Variants in MACC1 observed in about 807,000 individuals in gnomAD.
The protein encoded by MACC1 is metastasis-associated in colon cancer protein 1.
In MACC1, 79 loss-of-function variants were observed where a neutral mutation model predicts 70.7. The observed-to-expected ratio is 1.12, with a 90% confidence interval of 0.93 to 1.35. MACC1 has a LOEUF of 1.35. MACC1 is among the 40% of genes most tolerant of loss of function. MACC1 has a pLI of 0.00. For missense variants in MACC1, 1,106 were observed against 978.1 expected, an observed-to-expected ratio of 1.13 and a Z score of -1.74; for synonymous variants, 361 against 347.2, an observed-to-expected ratio of 1.04 and a Z score of -0.44.
rs565611340 is a variant in MACC1, at chr7:20,135,919, G to A, written c.*5027C>T. The stretch of plus-strand genomic sequence containing the variant: ...AATGAGGATATTTGTAAGGTGCTTA[G>A]TGTGCTTATGTATGTGTGCTAAATG... On this transcript the variant is annotated 3_prime_UTR_variant, in exon 7 of 7. Transcript: ENST00000400331. 1 of 152,176 alleles carries A rather than the reference G, an allele frequency of 6.6e-6. No homozygotes were observed. The highest frequency in any genetic ancestry group is 1.5e-5 in the Non-Finnish European group (1 of 68,032). The allele number at this position is 152,176 out of a possible 1,614,324, so 9.4% of individuals were successfully genotyped here.
chr7:20,142,889 G>C (rs1241354414), intron 6 of MACC1, among the ~76,000 whole-genome samples: 2 of 152,140 alleles, frequency 1.3e-5, no homozygotes, highest in African/African-American at 2.4e-5. Flanking sequence ...ATAGCTAAAG[G>C]CTTCTAAGAC....
rs142635470 is a variant in MACC1 at position 20,196,069 on chromosome 7, T to C, written c.-218+21230A>G. On this transcript the variant is annotated intron_variant, in intron 1 of 6. Coordinates refer to ENST00000400331, the MANE Select transcript of MACC1 (RefSeq NM_182762.4). ...TTGGGAACTCAGTTTTCAAGACTTC[T>C]CTGGGGTCCCTTTGGCCAAATGAGG... 2.0e-5 allele frequency among the ~76,000 whole-genome samples: 3 copies of C among 152,328 alleles called. No homozygotes were observed. The East Asian group carries it at 5.8e-4, about 29-fold the overall frequency.
chr7:20,186,963 A>G (rs1782598402), intron 1 of MACC1, among the ~76,000 whole-genome samples: 1 of 152,206 alleles, frequency 6.6e-6, no homozygotes, highest in Non-Finnish European at 1.5e-5. Context: ...AATAATTACT[A>G]TCATGTTTTA....
At chr7:20,200,254 TAG>T (rs1562601003) in intron 1 of MACC1, among the ~76,000 whole-genome samples, 13 of 151,166 alleles carry the variant, frequency 8.6e-5, no homozygotes, top group Non-Finnish European at 1.5e-4. Flanking sequence ...AAAAGATTAG[TAG>T]ATTTAAAAGA....
At chr7:20,157,825 AG>A (rs1177091221) in intron 5 of MACC1, among the ~76,000 whole-genome samples, 2 of 151,678 alleles carry the variant, frequency 1.3e-5, no homozygotes, top group African/African-American at 4.8e-5. Context: ...ACTGAAAAGT[AG>A]ATCCCTAACA....
In MACC1 at chr7:20,135,041, T is replaced by C. The variant is rs992722868; in HGVS notation, c.*5905A>G. The C allele has an allele frequency of 6.6e-6, 1 of 152,234 alleles. No homozygotes were observed. The highest frequency in any genetic ancestry group is 1.5e-5 in the Non-Finnish European group (1 of 68,038). 9.4% of individuals were successfully genotyped at this position (152,234 alleles called of 1,614,324 possible). ...AAAGCAGGGCATATAGATAGCTGTA[T>C]TGATCACATTGATTAAAAACATTTT... On this transcript the variant is annotated 3_prime_UTR_variant, in exon 7 of 7. Coordinates refer to ENST00000400331, the MANE Select transcript of MACC1 (RefSeq NM_182762.4).
chr7:20,203,524 C>T (rs1324850838), intron 1 of MACC1, among the ~76,000 whole-genome samples: 1 of 152,162 alleles, frequency 6.6e-6, no homozygotes, highest in Non-Finnish European at 1.5e-5. Context: ...TCAGCTAAAG[C>T]CTCCCTGAGC....
intron 1 of MACC1, among the ~76,000 whole-genome samples, chr7:20,171,624 C>T (rs1782309377): frequency 6.6e-6 from 1 of 151,344 alleles, no homozygotes; most frequent in Non-Finnish European, 1.5e-5. Context: ...TTCTGTCGCC[C>T]AGGTTGGAGT....
chr7:20,173,192 C>A (rs1040985185), intron 1 of MACC1, among the ~76,000 whole-genome samples: 2 of 152,152 alleles, frequency 1.3e-5, no homozygotes, highest in Non-Finnish European at 1.5e-5. Flanking sequence ...GCCACCAAAT[C>A]ATAATTATGA....
At chr7:20,195,511 C>G (rs897851036) in intron 1 of MACC1, among the ~76,000 whole-genome samples, 1 of 152,196 alleles carries the variant, frequency 6.6e-6, no homozygotes, top group African/African-American at 2.4e-5. Context: ...GGGGTCCTGA[C>G]ACATGCGTAT....
chr7:20,176,495 T>C (rs1012059229), intron 1 of MACC1, among the ~76,000 whole-genome samples: 9 of 152,282 alleles, frequency 5.9e-5, no homozygotes, highest in Non-Finnish European at 1.2e-4. Flanking sequence ...AAAATAATAG[T>C]TAATTTAAAA....
In MACC1 at chr7:20,140,218, C is replaced by T. The variant is rs1396798009; in HGVS notation, c.*728G>A. ...ACTTAAAATGAAACGGCAACTGTTT[C>T]CCTGTAAGTCTTAACACGCATTTTG... On this transcript the variant is annotated 3_prime_UTR_variant, in exon 7 of 7. Transcript: ENST00000400331. 3 of 152,148 alleles carry T rather than the reference C, an allele frequency of 2.0e-5. No individual in the cohort carries two copies. The highest frequency in any genetic ancestry group is 6.5e-5 in the Admixed American group (1 of 15,278). The allele number at this position is 152,148 out of a possible 1,614,324, so 9.4% of individuals were successfully genotyped here. A position where few individuals can be genotyped will look rare whatever the true frequency, so the allele number is the denominator to read the frequency against.
chr7:20,167,225 T>C (rs929008629), intron 2 of MACC1, among the ~76,000 whole-genome samples: 73 of 152,028 alleles, frequency 4.8e-4, no homozygotes, highest in Non-Finnish European at 2.1e-4. Context: ...AGATGGAATT[T>C]TGCTCTGTCG....
intron 1 of MACC1, among the ~76,000 whole-genome samples, chr7:20,215,668 GA>G (rs1783059001): frequency 6.6e-6 from 1 of 152,140 alleles, no homozygotes; most frequent in Non-Finnish European, 1.5e-5. Flanking sequence ...AGTCTTAATA[GA>G]CACCTAGGCA....
At chr7:20,217,160 T>G (rs1165307169) in intron 1 of MACC1, 139 bp downstream of exon 1, 4 of 152,348 alleles carry the variant, frequency 2.6e-5, no homozygotes, top group Non-Finnish European at 5.9e-5. Context: ...AGAATACCAG[T>G]TACCTTCCCT....
At chr7:20,169,835 T>A (rs1782276223) in intron 2 of MACC1, among the ~76,000 whole-genome samples, 1 of 152,192 alleles carries the variant, frequency 6.6e-6, no homozygotes, top group Admixed American at 6.5e-5. Flanking sequence ...TTCATAAGGA[T>A]CAAATGAAAT....
At chr7:20,191,627 T>C (rs1041133861) in intron 1 of MACC1, among the ~76,000 whole-genome samples, 2 of 152,108 alleles carry the variant, frequency 1.3e-5, no homozygotes, top group African/African-American at 2.4e-5. Flanking sequence ...CAGGCATCCA[T>C]AGCTTCAAGT....
chr7:20,213,569 A>T (rs1783028248), intron 1 of MACC1, among the ~76,000 whole-genome samples: 1 of 152,234 alleles, frequency 6.6e-6, no homozygotes, highest in South Asian at 2.1e-4. Context: ...TGTGGTACAT[A>T]TACACCATGG....
intron 1 of MACC1, among the ~76,000 whole-genome samples, chr7:20,177,246 A>G (rs1782408003): frequency 6.6e-6 from 1 of 152,198 alleles, no homozygotes; most frequent in South Asian, 2.1e-4. Flanking sequence ...CTGAAATTAA[A>G]TAACAAATGA....
Sources: allele counts gnomAD v4.1 joint callset (sites outside exome capture counted in the v4.1 genomes callset), GRCh38; gene constraint gnomAD v4.1.1; transcripts MANE v1.5; gene names NCBI Gene and HGNC (gene_info 2026-07-23, HGNC 2026-07-21).